The following TM9SF4 variants were observed in gnomAD, a reference collection of about 807,000 sequenced individuals.
TM9SF4 encodes transmembrane 9 superfamily member 4, also known as dinucleotide oxidase disulfide thiol exchanger 3 superfamily member 4.
In TM9SF4, 26 loss-of-function variants were observed where a neutral mutation model predicts 90.4. That is an observed-to-expected ratio of 0.29 (90% CI 0.21 to 0.40). The LOEUF is 0.40. Ranked by LOEUF, TM9SF4 falls within the 10% of genes least tolerant of loss-of-function variation. The pLI is 1.00. For synonymous variants in TM9SF4, 293 were observed against 315.4 expected (o/e 0.93, Z 0.75); for missense variants, 549 against 834.8 (o/e 0.66, Z 4.22).
chr20:32,150,391 A>G (rs566510849), intron 10 of TM9SF4, among the ~76,000 whole-genome samples: 4 of 152,344 alleles, frequency 2.6e-5, no homozygotes, highest in Non-Finnish European at 4.4e-5. Flanking sequence ...AGATTTGGCC[A>G]GCCAAGGCCC....
At chr20:32,116,390 T>C (rs777657196) in intron 1 of TM9SF4, 9 of 152,238 alleles carry the variant, frequency 5.9e-5, no homozygotes, top group Non-Finnish European at 1.2e-4. Flanking sequence ...AGAGTTCTTT[T>C]ATAAATACCC....
At chr20:32,133,670 C>A (rs1414274628) in intron 2 of TM9SF4, among the ~76,000 whole-genome samples, 2 of 152,310 alleles carry the variant, frequency 1.3e-5, no homozygotes, top group East Asian at 3.9e-4. Context: ...CAGGTTGCCC[C>A]CCAAGAACCC....
chr20:32,156,966 GTCTCACTC>G (rs1256760109), intron 13 of TM9SF4, among the ~76,000 whole-genome samples: 4 of 62,216 alleles, frequency 6.4e-5, no homozygotes, highest in African/African-American at 3.0e-4. Flanking sequence ...TTGAGACGAA[GTCTCACTC>G]TCTCACTCTG....
intron 10 of TM9SF4, among the ~76,000 whole-genome samples, chr20:32,150,004 A>G (rs1056554657): frequency 3.3e-4 from 50 of 152,284 alleles, no homozygotes; most frequent in African/African-American, 1.0e-3. Flanking sequence ...TCCTCCATCA[A>G]TGAGGCAACA....
At chr20:32,161,969 A>G (rs547146795) in intron 17 of TM9SF4, among the ~76,000 whole-genome samples, 1 of 152,104 alleles carries the variant, frequency 6.6e-6, no homozygotes, top group African/African-American at 2.4e-5. Context: ...GCCCAATAAT[A>G]AGAGGGAGCC....
rs1349813345 is a variant in TM9SF4 at position 32,166,966 on chromosome 20, C to T, written c.*1522C>T. On this transcript the variant is annotated 3_prime_UTR_variant, in exon 18 of 18. Coordinates refer to ENST00000398022, the MANE Select transcript of TM9SF4 (RefSeq NM_014742.4). ...AAACCAGTGAATTTCTCAATCTTGC[C>T]TCACAGTGACTGCAGCGCCAAGCGG... 6.6e-6 allele frequency: 1 copy of T among 152,128 alleles called. No homozygotes were observed. The highest frequency in any genetic ancestry group is 2.4e-5 in the African/African-American group (1 of 41,414). The allele number at this position is 152,128 out of a possible 1,614,324, so 9.4% of individuals were successfully genotyped here. A position where few individuals can be genotyped will look rare whatever the true frequency, so the allele number is the denominator to read the frequency against.
At chr20:32,133,293 C>T (rs1440742358) in intron 2 of TM9SF4, among the ~76,000 whole-genome samples, 167 bp downstream of exon 2, 1 of 152,156 alleles carries the variant, frequency 6.6e-6, no homozygotes, top group Non-Finnish European at 1.5e-5. Context: ...TCGGTCCCCT[C>T]TCTGTTTCTG....
intron 6 of TM9SF4, among the ~76,000 whole-genome samples, chr20:32,144,657 C>A (rs1181220498): frequency 6.6e-6 from 1 of 152,170 alleles, no homozygotes; most frequent in East Asian, 1.9e-4. Context: ...CACCTGTGAT[C>A]CCAGCGCTTT....
At chr20:32,125,972 A>G (rs1197643548) in intron 1 of TM9SF4, among the ~76,000 whole-genome samples, 1 of 151,730 alleles carries the variant, frequency 6.6e-6, no homozygotes, top group African/African-American at 2.4e-5. Context: ...ACCGGGCTAG[A>G]TTATTTCATT....
At chr20:32,161,756 G>C (rs1298228995) in intron 17 of TM9SF4, among the ~76,000 whole-genome samples, 1 of 152,206 alleles carries the variant, frequency 6.6e-6, no homozygotes, top group African/African-American at 2.4e-5. Context: ...GTAGAAAGGA[G>C]TTAATAAAGA....
chr20:32,115,924 C>T (rs552182002), intron 1 of TM9SF4, among the ~76,000 whole-genome samples: 4 of 146,972 alleles, frequency 2.7e-5, no homozygotes, highest in South Asian at 2.1e-4. Flanking sequence ...TGGGTTCGAG[C>T]GATTCTCCTG....
At chr20:32,158,559 G>C (rs758752682) in intron 15 of TM9SF4, 45 bp downstream of exon 15, 3 of 1,603,994 alleles carry the variant, frequency 1.9e-6, no homozygotes, top group Non-Finnish European at 2.6e-6. Flanking sequence ...TGCTAGCCGG[G>C]TCACTCCCAC....
At position 32,162,167 on chromosome 20, in the gene TM9SF4, C is replaced by T. The variant is rs558148845; in HGVS notation, c.1779+802C>T. Among the ~76,000 whole-genome samples, 5 of 152,366 alleles carry T rather than the reference C, an allele frequency of 3.3e-5. No homozygotes were observed. The East Asian group carries it at 9.6e-4, about 29-fold the overall frequency. On this transcript the variant is annotated intron_variant, in intron 17 of 17. Coordinates refer to ENST00000398022, the MANE Select transcript of TM9SF4 (RefSeq NM_014742.4). ...CTCCAAAACTAATACTCAAGACTTA[C>T]TCTGACCTGCTGTACTTTGGGTCTC...
At chr20:32,122,632 C>G (rs1457965949) in intron 1 of TM9SF4, among the ~76,000 whole-genome samples, 2 of 149,350 alleles carry the variant, frequency 1.3e-5, no homozygotes, top group African/African-American at 2.5e-5. Flanking sequence ...AGAGGCGCTC[C>G]TCACTTCCCA....
At chr20:32,122,157 G>A (rs1317147145) in intron 1 of TM9SF4, among the ~76,000 whole-genome samples, 1 of 119,458 alleles carries the variant, frequency 8.4e-6, no homozygotes, top group Non-Finnish European at 1.7e-5. Flanking sequence ...GGCGGGGGGG[G>A]TGACCCCCCC....
chr20:32,128,792 G>C (rs1210133391), intron 1 of TM9SF4, among the ~76,000 whole-genome samples: 1 of 21,392 alleles, frequency 4.7e-5, no homozygotes, highest in Non-Finnish European at 1.5e-4. Flanking sequence ...ATTCCATTCT[G>C]TGTGTGTGTG....
intron 2 of TM9SF4, among the ~76,000 whole-genome samples, chr20:32,134,949 A>G (rs1277302393): frequency 6.6e-6 from 1 of 152,202 alleles, no homozygotes; most frequent in Non-Finnish European, 1.5e-5. Context: ...CTGGGATTAC[A>G]GGGAATCCAG....
At chr20:32,159,809 TC>T in intron 15 of TM9SF4, 182 bp from the exon 16 acceptor site, 1 of 753,916 alleles carries the variant, frequency 1.3e-6, no homozygotes. Context: ...CCCTGGCCCC[TC>T]CCTAAGGACA....
At chr20:32,138,160 T>G (rs1285036028) in intron 3 of TM9SF4, among the ~76,000 whole-genome samples, 1 of 152,214 alleles carries the variant, frequency 6.6e-6, no homozygotes, top group Admixed American at 6.5e-5. Context: ...GCAGGCTGCC[T>G]TCTCCAGAAA....
Sources: gnomAD v4.1 joint callset for allele counts (sites outside exome capture counted in the v4.1 genomes callset) on GRCh38, gnomAD v4.1.1 for gene constraint, MANE v1.5 for transcripts, NCBI Gene and HGNC (gene_info 2026-07-23, HGNC 2026-07-21) for gene names.